Variants in NEBL observed in about 807,000 individuals in gnomAD.
The protein encoded by NEBL is LIM and SH3 protein 2.
NEBL carries 122 observed loss-of-function variants against 140.2 expected under a neutral mutation model. That is an observed-to-expected ratio of 0.87 (90% CI 0.75 to 1.01). NEBL has a LOEUF of 1.01. NEBL is among the 50% of genes least tolerant of loss of function. The pLI is 0.00. For missense variants in NEBL, 1,365 were observed against 1,231.3 expected, an observed-to-expected ratio of 1.11 and a Z score of -1.62; for synonymous variants, 436 against 398.9, an observed-to-expected ratio of 1.09 and a Z score of -1.11.
rs547272484 is a variant in NEBL, at chr10:21,257,840, G to A, written n.183-6012C>T. ...GTGGAGCTTGCAGTGAGCCTGGATC[G>A]CGCCACTGCACTCCAGCCTGGGTGG... On this transcript the variant is annotated intron_variant and non_coding_transcript_variant, in intron 1 of 8. Transcript: ENST00000675702. 4.4e-4 allele frequency among the ~76,000 whole-genome samples: 67 copies of A among 151,762 alleles called. 1 individual carries two copies. The highest frequency in any genetic ancestry group is 1.3e-3 in the African/African-American group (55 of 41,362).
At chr10:20,986,932 C>A (rs1837278478) in intron 3 of NEBL, among the ~76,000 whole-genome samples, 2 of 152,150 alleles carry the variant, frequency 1.3e-5, no homozygotes, top group Admixed American at 6.5e-5. Context: ...TAGCACAGAA[C>A]CCCCAACACC....
chr10:21,235,810 T>C (rs1183018489), intron 3 of NEBL, among the ~76,000 whole-genome samples: 1 of 152,166 alleles, frequency 6.6e-6, no homozygotes, highest in East Asian at 1.9e-4. Flanking sequence ...CAGGGATGTG[T>C]CAAGACAGAA....
intron 3 of NEBL, among the ~76,000 whole-genome samples, chr10:21,223,048 C>T (rs1842095086): frequency 6.6e-6 from 1 of 152,264 alleles, no homozygotes; most frequent in Non-Finnish European, 1.5e-5. Flanking sequence ...CAGGCATGAG[C>T]CATCGCGCCT....
chr10:20,817,762 G>T, intron 20 of NEBL, 70 bp from the exon 21 acceptor site: 4 of 1,246,488 alleles, frequency 3.2e-6, no homozygotes, highest in East Asian at 4.6e-5. Context: ...AAAGGACAAG[G>T]CTCAAAATTA....
intron 2 of NEBL, among the ~76,000 whole-genome samples, chr10:21,168,931 C>A (rs938761721): frequency 2.7e-5 from 4 of 149,832 alleles, no homozygotes; most frequent in African/African-American, 9.8e-5. Flanking sequence ...CGCCCCTAGT[C>A]CCAGCTACTC....
chr10:21,009,591 T>C (rs1050550804), intron 3 of NEBL, among the ~76,000 whole-genome samples: 4 of 152,222 alleles, frequency 2.6e-5, no homozygotes, highest in Non-Finnish European at 5.9e-5. Context: ...CATTTTGTAA[T>C]GAGAAAAACT....
At chr10:21,183,084 C>T (rs1206288971) in intron 3 of NEBL, among the ~76,000 whole-genome samples, 1 of 152,128 alleles carries the variant, frequency 6.6e-6, no homozygotes, top group African/African-American at 2.4e-5. Context: ...CTGAAGGGTT[C>T]CAGGCAGGAG....
chr10:21,246,558 G>C (rs1380089967), intron 3 of NEBL, among the ~76,000 whole-genome samples: 1 of 152,134 alleles, frequency 6.6e-6, no homozygotes, highest in African/African-American at 2.4e-5. Flanking sequence ...CAGTGCAAGA[G>C]GATCACTTGA....
chr10:20,823,106 T>C, intron 19 of NEBL, 102 bp downstream of exon 19: 1 of 837,212 alleles, frequency 1.2e-6, no homozygotes, highest in East Asian at 2.7e-5. Flanking sequence ...CCTCTCGCAA[T>C]GAGGTTCATT....
chr10:21,248,996 T>G (rs1457309186), intron 2 of NEBL, among the ~76,000 whole-genome samples: 2 of 151,610 alleles, frequency 1.3e-5, no homozygotes, highest in Non-Finnish European at 2.9e-5. Flanking sequence ...TCTATTTAAG[T>G]CCTTTGCTCA....
At chr10:21,023,863 T>G (rs1341021963) in intron 2 of NEBL, among the ~76,000 whole-genome samples, 1 of 152,212 alleles carries the variant, frequency 6.6e-6, no homozygotes, top group East Asian at 1.9e-4. Context: ...TGAATTCTAT[T>G]TGGATAGTAA....
chr10:20,834,622 A>C (rs1292958946), intron 14 of NEBL, among the ~76,000 whole-genome samples: 1 of 152,210 alleles, frequency 6.6e-6, no homozygotes, highest in Non-Finnish European at 1.5e-5. Flanking sequence ...CCTAAGTGCA[A>C]AGATCACACA....
intron 3 of NEBL, among the ~76,000 whole-genome samples, chr10:21,210,061 T>C (rs994099052): frequency 2.0e-5 from 3 of 152,190 alleles, no homozygotes; most frequent in Admixed American, 6.6e-5. Flanking sequence ...CCTTATTGTT[T>C]AAGATCATTT....
chr10:20,849,925 G>A (rs1490096226), intron 11 of NEBL, among the ~76,000 whole-genome samples: 2 of 151,856 alleles, frequency 1.3e-5, no homozygotes, highest in Non-Finnish European at 2.9e-5. Context: ...GACTAAATGA[G>A]CTGACATATA....
Position 20,819,455 on chromosome 10 carries a change from C to T in NEBL, c.2024G>A (p.Arg675Lys), listed in dbSNP as rs1839060822. Residue 675 changes from arginine (R) to lysine (K), a missense_variant, in exon 20 of 28, where the codon AGA (arginine) becomes AAA (lysine). Physicochemically the swap from Arg to Lys is conservative, Grantham distance 26. Around this residue, in one of 2 missense-constraint regions of NEBL, gnomAD observed 1,323 missense variants for 1,154.8 expected, o/e 1.15. Transcript: ENST00000377122. The part of the protein sequence containing the change: ...TPVSMTPEIE[R>K]VRRNQEQLSA... ...CAGCTGCTCCTGGTTTCGCCTCACTCTCTCTATCTCCGGGGTCATGCTTAC... is the reference window on the plus strand; with the variant it reads ...CAGCTGCTCCTGGTTTCGCCTCACTTTCTCTATCTCCGGGGTCATGCTTAC... The T allele has an allele frequency of 6.2e-7, 1 of 1,614,050 alleles. No homozygotes were observed. The highest frequency in any genetic ancestry group is 8.5e-7 in the Non-Finnish European group (1 of 1,179,954).
At chr10:20,964,297 G>T (rs1025625246) in intron 3 of NEBL, among the ~76,000 whole-genome samples, 1 of 152,278 alleles carries the variant, frequency 6.6e-6, no homozygotes, top group South Asian at 2.1e-4. Context: ...GAAAGGGGTT[G>T]TGTCATTTAT....
At chr10:21,112,022 A>C (rs948140402) in intron 2 of NEBL, among the ~76,000 whole-genome samples, 1 of 152,240 alleles carries the variant, frequency 6.6e-6, no homozygotes, top group African/African-American at 2.4e-5. Context: ...GAGAAATGCA[A>C]ATCAAAACCA....
chr10:20,801,416 C>G (rs117754139), intron 26 of NEBL, among the ~76,000 whole-genome samples: 4 of 151,872 alleles, frequency 2.6e-5, no homozygotes, highest in African/African-American at 9.7e-5. Context: ...AGGCTAGTCT[C>G]GAACTCCTGA....
At chr10:21,002,409 T>A (rs1397318378) in intron 3 of NEBL, among the ~76,000 whole-genome samples, 1 of 152,190 alleles carries the variant, frequency 6.6e-6, no homozygotes, top group Non-Finnish European at 1.5e-5. Flanking sequence ...CTGTAGAATG[T>A]TTACCATGTC....
Sources: allele counts gnomAD v4.1 joint callset (sites outside exome capture counted in the v4.1 genomes callset), GRCh38; gene constraint gnomAD v4.1.1; regional missense constraint gnomAD v4.1.1; transcripts MANE v1.5; gene names NCBI Gene and HGNC (gene_info 2026-07-23, HGNC 2026-07-21).